ERLEC1: variants seen among roughly 807,000 people sequenced by gnomAD.
ERLEC1 encodes ER lectin.
A neutral mutation model predicts 68.0 loss-of-function variants in ERLEC1; 47 were observed. The observed-to-expected ratio is 0.69, with a 90% CI of 0.55 to 0.88. ERLEC1 has a LOEUF of 0.88. Ranked by LOEUF, ERLEC1 falls within the 40% of genes least tolerant of loss-of-function variation. The probability of loss-of-function intolerance (pLI) is 0.00; values close to 1 mark genes in which losing one functional copy is unlikely to be tolerated. For missense variants in ERLEC1, 567 were observed against 583.8 expected, an observed-to-expected ratio of 0.97 and a Z score of 0.30; for synonymous variants, 225 against 203.2, an observed-to-expected ratio of 1.11 and a Z score of -0.91.
chr2:53,812,884 A>T, intron 10 of ERLEC1, 65 bp from the exon 11 acceptor site: 1 of 1,558,554 alleles, frequency 6.4e-7, no homozygotes, highest in Non-Finnish European at 8.7e-7. Flanking sequence ...AGGTCAGGTC[A>T]TCAGCATAAA....
intron 9 of ERLEC1, 110 bp from the exon 10 acceptor site, chr2:53,809,104 T>C (rs1573097881): frequency 1.4e-6 from 1 of 739,802 alleles, no homozygotes; most frequent in Non-Finnish European, 2.3e-6. Flanking sequence ...TCAACCATAC[T>C]ATTGCTTTTA....
At chr2:53,812,484 G>A (rs1323755562) in intron 10 of ERLEC1, among the ~76,000 whole-genome samples, 1 of 152,178 alleles carries the variant, frequency 6.6e-6, no homozygotes, top group Admixed American at 6.6e-5. Context: ...GTATAACATT[G>A]CGTAGGATGA....
chr2:53,806,298 T>C (rs1676292335), intron 8 of ERLEC1, among the ~76,000 whole-genome samples: 1 of 152,224 alleles, frequency 6.6e-6, no homozygotes, highest in Non-Finnish European at 1.5e-5. Context: ...ATGGATGTTC[T>C]GTCCAGAAGA....
intron 2 of ERLEC1, among the ~76,000 whole-genome samples, chr2:53,794,747 C>T (rs940018780): frequency 6.6e-6 from 1 of 152,100 alleles, no homozygotes; most frequent in Non-Finnish European, 1.5e-5. Context: ...CTCCGACTCC[C>T]GGGTTCAAGA....
chr2:53,811,602 G>C (rs935854816), intron 10 of ERLEC1, among the ~76,000 whole-genome samples: 2 of 152,032 alleles, frequency 1.3e-5, no homozygotes. Flanking sequence ...TACTTTACAC[G>C]TATTAATTCT....
At chr2:53,799,792 TA>T (rs1298202273) in intron 6 of ERLEC1, among the ~76,000 whole-genome samples, 1 of 152,172 alleles carries the variant, frequency 6.6e-6, no homozygotes, top group Non-Finnish European at 1.5e-5. Flanking sequence ...CCTATAACTT[TA>T]AAGGGTAGCT....
chr2:53,791,394 C>G (rs1217673882), intron 1 of ERLEC1, among the ~76,000 whole-genome samples: 2 of 152,154 alleles, frequency 1.3e-5, no homozygotes, highest in Non-Finnish European at 2.9e-5. Context: ...TTTATACTAT[C>G]TAATTCTGTA....
chr2:53,816,308 C>T (rs1441019819), intron 13 of ERLEC1, among the ~76,000 whole-genome samples: 1 of 149,574 alleles, frequency 6.7e-6, no homozygotes, highest in Non-Finnish European at 1.5e-5. Context: ...ACTCTGTCAC[C>T]CAGGCTGGAG....
intron 8 of ERLEC1, among the ~76,000 whole-genome samples, chr2:53,804,087 C>T (rs927950776): frequency 6.6e-6 from 1 of 152,278 alleles, no homozygotes; most frequent in Non-Finnish European, 1.5e-5. Flanking sequence ...GCCAAGATTG[C>T]ACCACTGCAC....
chr2:53,808,446 T>TA lies in ERLEC1; in HGVS notation c.1028dup (p.Tyr343Ter), dbSNP rs1274690279. The TA allele has an allele frequency of 6.2e-7, 1 of 1,613,804 alleles. No individual in the cohort carries two copies. Among genetic ancestry groups the TA allele is most frequent in the Non-Finnish European group, 8.5e-7 (1 of 1,179,998 alleles). Residue 343 changes from tyrosine (Y) to a stop codon, truncating the protein, a stop_gained and frameshift_variant, in exon 9 of 14, where the codon TAC becomes TAAC. Coordinates refer to ENST00000185150, the MANE Select transcript of ERLEC1 (RefSeq NM_015701.5). LOFTEE classifies it high-confidence loss of function. Reference protein sequence around the residue: ...QLIKEFLSGSYCFRGGVGWWK... With the variant: ...QLIKEFLSGS Reference sequence around the variant, plus strand: ...CATAAAAGAGTTTCTTAGTGGTTCTTACTGCTTTCGTGGGGTGAGAAGTAA... The same window carrying TA: ...CATAAAAGAGTTTCTTAGTGGTTCTTAACTGCTTTCGTGGGGTGAGAAGTAA...
At chr2:53,808,624 T>C (rs1332954647) in intron 9 of ERLEC1, among the ~76,000 whole-genome samples, 164 bp downstream of exon 9, 1 of 152,234 alleles carries the variant, frequency 6.6e-6, no homozygotes, top group African/African-American at 2.4e-5. Flanking sequence ...CCCCCACGTT[T>C]CTGTAATCTA....
At chr2:53,787,538 C>T in intron 1 of ERLEC1, 166 bp downstream of exon 1, 1 of 744,442 alleles carries the variant, frequency 1.3e-6, no homozygotes, top group South Asian at 2.4e-5. Flanking sequence ...CGTTCGTTCT[C>T]ACGTTATGTG....
chr2:53,808,764 C>T (rs1035933423), intron 9 of ERLEC1, among the ~76,000 whole-genome samples: 2 of 152,238 alleles, frequency 1.3e-5, no homozygotes, highest in East Asian at 3.9e-4. Context: ...GGTTATGTAG[C>T]AATCACATTT....
rs889573709 is a variant in ERLEC1 at position 53,801,876 on chromosome 2, C to G, written c.879+34C>G. 1.1e-5 allele frequency: 17 copies of G among 1,573,212 alleles called. No homozygotes were observed. In the African/African-American group the frequency reaches 2.3e-4, roughly 21 times the overall value. On this transcript the variant is annotated intron_variant, in intron 8 of 13. Transcript: ENST00000185150. ...ATTGTCTAATGATAGCTTTTTGGTG[C>G]TTCATTTTTAAAATTTCAGAGCATA...
In ERLEC1 at chr2:53,801,390, T is replaced by G; in HGVS notation, c.526-7T>G. 1 of 1,611,196 alleles carries G rather than the reference T, an allele frequency of 6.2e-7. No homozygotes were observed. The highest frequency in any genetic ancestry group is 1.1e-5 in the South Asian group (1 of 90,960). On this transcript the variant is annotated splice_region_variant and splice_polypyrimidine_tract_variant and intron_variant, in intron 6 of 13. Coordinates refer to ENST00000185150, the MANE Select transcript of ERLEC1 (RefSeq NM_015701.5). ...GAAAAGTCTGTCTTATACTCTTTTT[T>G]TTTAAGATTCCCACTAAAAATATCG...
At chr2:53,808,651 TTC>T (rs987866553) in intron 9 of ERLEC1, among the ~76,000 whole-genome samples, 191 bp downstream of exon 9, 64 of 152,344 alleles carry the variant, frequency 4.2e-4, no homozygotes, top group African/African-American at 1.3e-3. Context: ...AGCTTTTATG[TTC>T]TGTTTATTTC....
At chr2:53,810,410 C>T (rs1676529920) in intron 10 of ERLEC1, among the ~76,000 whole-genome samples, 1 of 152,160 alleles carries the variant, frequency 6.6e-6, no homozygotes, top group Non-Finnish European at 1.5e-5. Flanking sequence ...AATTTTATAA[C>T]TCACCGTATT....
At chr2:53,798,652 A>C (rs1383001297) in intron 5 of ERLEC1, among the ~76,000 whole-genome samples, 2 of 151,640 alleles carry the variant, frequency 1.3e-5, no homozygotes, top group Non-Finnish European at 2.9e-5. Flanking sequence ...TGTTAGTGTT[A>C]TATATAAGTG....
Position 53,787,092 on chromosome 2 carries a change from G to C in ERLEC1, c.-119G>C, listed in dbSNP as rs1051535960. On this transcript the variant is annotated 5_prime_UTR_variant, in exon 1 of 14. Transcript: ENST00000185150. ...CGGAAGGAGACGTGGCGGCGGTTGG[G>C]CCGGTGATACCCGGGCGCTTTATAG... The C allele has an allele frequency of 6.0e-6, 8 of 1,331,390 alleles. No individual in the cohort carries two copies. The South Asian group carries it at 1.3e-4, about 22-fold the overall frequency. The allele number at this position is 1,331,390 out of a possible 1,614,324, so 82.5% of individuals were successfully genotyped here.
Sources: gnomAD v4.1 joint callset for allele counts (sites outside exome capture counted in the v4.1 genomes callset) on GRCh38, gnomAD v4.1.1 for gene constraint, MANE v1.5 for transcripts, NCBI Gene and HGNC (gene_info 2026-07-23, HGNC 2026-07-21) for gene names.